Variants in IL20RA observed in about 807,000 individuals in gnomAD.
The protein encoded by IL20RA is interleukin 20 receptor subunit alpha, also known as interleukin-20 receptor subunit alpha.
Under a neutral mutation model 36.5 loss-of-function variants are expected in IL20RA, and 29 were observed. That is an observed-to-expected ratio of 0.79 (90% CI 0.59 to 1.08). The LOEUF (loss-of-function observed/expected upper bound fraction) is 1.08. Among genes scored for constraint, IL20RA ranks in the 50% least tolerant of loss-of-function variants. IL20RA has a pLI of 0.00. For missense variants in IL20RA, 652 were observed against 668.4 expected, an observed-to-expected ratio of 0.98 and a Z score of 0.27; for synonymous variants, 279 against 267.1, an observed-to-expected ratio of 1.04 and a Z score of -0.43.
At chr6:137,014,161 G>A (rs1455501092) in intron 2 of IL20RA, among the ~76,000 whole-genome samples, 1 of 152,136 alleles carries the variant, frequency 6.6e-6, no homozygotes, top group East Asian at 1.9e-4. Flanking sequence ...AGATAAATGA[G>A]GTCACTGTGA....
At chr6:137,021,514 A>AAC (rs386408740) in intron 1 of IL20RA, among the ~76,000 whole-genome samples, 1 of 55,048 alleles carries the variant, frequency 1.8e-5, no homozygotes, top group Non-Finnish European at 7.6e-5. Context: ...AAAAAAAAAA[A>AAC]ACACAAGAAA....
chr6:137,010,655 C>A (rs1254774942), intron 3 of IL20RA, among the ~76,000 whole-genome samples: 1 of 152,044 alleles, frequency 6.6e-6, no homozygotes, highest in Admixed American at 6.6e-5. Flanking sequence ...AAAGTAAATA[C>A]CAGGAAGAAG....
intron 1 of IL20RA, among the ~76,000 whole-genome samples, chr6:137,020,748 A>T (rs1210768587): frequency 6.6e-6 from 1 of 152,212 alleles, no homozygotes; most frequent in Non-Finnish European, 1.5e-5. Flanking sequence ...AGAGTAATAA[A>T]CATCTTTAAC....
At chr6:137,041,463 C>CA (rs2115431670) in intron 1 of IL20RA, among the ~76,000 whole-genome samples, 1 of 152,248 alleles carries the variant, frequency 6.6e-6, no homozygotes, top group African/African-American at 2.4e-5. Flanking sequence ...AACTTCTCTG[C>CA]AAGTCCCAAA....
At chr6:137,036,986 C>T (rs762004892) in intron 1 of IL20RA, among the ~76,000 whole-genome samples, 25 of 152,278 alleles carry the variant, frequency 1.6e-4, no homozygotes, top group Admixed American at 5.9e-4. Context: ...AATTTAAATA[C>T]GGTTGATAAT....
At chr6:137,020,933 AGGGGCAGACCT>A (rs1164732644) in intron 1 of IL20RA, among the ~76,000 whole-genome samples, 17 of 152,196 alleles carry the variant, frequency 1.1e-4, no homozygotes, top group Non-Finnish European at 1.9e-4. Context: ...ACTATTATTC[AGGGGCAGACCT>A]GTCATGAGAA....
chr6:137,036,452 G>A (rs1048855505), intron 1 of IL20RA, among the ~76,000 whole-genome samples: 1 of 152,186 alleles, frequency 6.6e-6, no homozygotes, highest in African/African-American at 2.4e-5. Flanking sequence ...AGGGTGGGCC[G>A]AAATGCAGTA....
At position 137,044,439 on chromosome 6, in the gene IL20RA, C is replaced by G. The variant is rs115776276; in HGVS notation, c.88+202G>C. 3.9e-3 allele frequency: 3,421 copies of G among 869,720 alleles called. 98 individuals are homozygous for G. In the African/African-American group the frequency reaches 0.055, roughly 14 times the overall value. The allele number at this position is 869,720 out of a possible 1,614,324, so 53.9% of individuals were successfully genotyped here. ...GCAAACTTGACCCCGAGCCAAGGTGCGCGAGGCGACGGCGAGTGTCCCCCG... is the reference window on the plus strand; with the variant it reads ...GCAAACTTGACCCCGAGCCAAGGTGGGCGAGGCGACGGCGAGTGTCCCCCG... On this transcript the variant is annotated intron_variant, in intron 1 of 6. Transcript: ENST00000316649.
intron 6 of IL20RA, 63 bp downstream of exon 6, chr6:137,004,558 C>T: frequency 6.9e-7 from 1 of 1,446,964 alleles, no homozygotes; most frequent in Non-Finnish European, 9.6e-7. Context: ...TCTAGAACCT[C>T]CTCTTCTGTC....
chr6:137,015,833 T>C (rs1275170105), intron 2 of IL20RA, among the ~76,000 whole-genome samples: 1 of 152,154 alleles, frequency 6.6e-6, no homozygotes, highest in African/African-American at 2.4e-5. Flanking sequence ...ATTTTTGTAT[T>C]TTTTGTAGAG....
chr6:137,015,252 C>T (rs1438663059), intron 2 of IL20RA, among the ~76,000 whole-genome samples: 1 of 152,134 alleles, frequency 6.6e-6, no homozygotes, highest in African/African-American at 2.4e-5. Flanking sequence ...TATCACTTAG[C>T]TCTAACAGGT....
rs1053327231 is a variant in IL20RA at position 137,000,260 on chromosome 6, T to C, written c.*1298A>G. ...TACCAATAATATCAATAAGGAAATA[T>C]GGGTGATATCTCTTCTCATGAAAGA... is the stretch of plus-strand genomic sequence containing the variant. On this transcript the variant is annotated 3_prime_UTR_variant, in exon 7 of 7. Coordinates refer to ENST00000316649, the MANE Select transcript of IL20RA (RefSeq NM_014432.4). 6 of 152,192 alleles carry C rather than the reference T, an allele frequency of 3.9e-5. No individual in the cohort carries two copies. Among genetic ancestry groups the C allele is most frequent in the East Asian group, 3.8e-4 (2 of 5,198 alleles). 9.4% of individuals were successfully genotyped at this position (152,192 alleles called of 1,614,324 possible). A position where few individuals can be genotyped will look rare whatever the true frequency, so the allele number is the denominator to read the frequency against.
intron 5 of IL20RA, among the ~76,000 whole-genome samples, chr6:137,007,097 T>C (rs866594345): frequency 3.9e-5 from 6 of 152,232 alleles, no homozygotes. Flanking sequence ...TGCATTTTGT[T>C]GCTTTTGCTC....
intron 1 of IL20RA, among the ~76,000 whole-genome samples, chr6:137,033,639 G>T (rs923995055): frequency 3.9e-5 from 6 of 152,226 alleles, no homozygotes; most frequent in African/African-American, 1.2e-4. Context: ...CTTCTGCCAT[G>T]ATTGTAAGTT....
intron 1 of IL20RA, among the ~76,000 whole-genome samples, chr6:137,043,615 A>G (rs1294741417): frequency 6.6e-6 from 1 of 152,220 alleles, no homozygotes; most frequent in Non-Finnish European, 1.5e-5. Context: ...TACTTTTCTT[A>G]TTGTTGTAAC....
At chr6:137,015,353 A>G (rs1775646530) in intron 2 of IL20RA, among the ~76,000 whole-genome samples, 1 of 152,208 alleles carries the variant, frequency 6.6e-6, no homozygotes, top group Admixed American at 6.5e-5. Flanking sequence ...CTGTTGTCTT[A>G]GAAACTCTTC....
intron 1 of IL20RA, among the ~76,000 whole-genome samples, chr6:137,028,926 A>G (rs1776183282): frequency 6.6e-6 from 1 of 152,200 alleles, no homozygotes; most frequent in Non-Finnish European, 1.5e-5. Flanking sequence ...TCCCAGCCTG[A>G]TCACCCAAAC....
Position 137,004,763 on chromosome 6 carries a change from G to C in IL20RA, c.725-3C>G. The C allele has an allele frequency of 7.0e-7, 1 of 1,435,000 alleles. No homozygotes were observed. The allele number at this position is 1,435,000 out of a possible 1,614,324, so 88.9% of individuals were successfully genotyped here. On this transcript the variant is annotated splice_polypyrimidine_tract_variant and splice_region_variant and intron_variant, in intron 5 of 6. Coordinates refer to ENST00000316649, the MANE Select transcript of IL20RA (RefSeq NM_014432.4). ...AGCCTTGAACTCTGATGATTGATCTGTAAAAAAAAAAAAAAAGGTGGGAAT... is the reference window on the plus strand; with the variant it reads ...AGCCTTGAACTCTGATGATTGATCTCTAAAAAAAAAAAAAAAGGTGGGAAT...
Position 137,011,890 on chromosome 6 carries a change from A to T in IL20RA, c.225-438T>A, listed in dbSNP as rs189282348. On this transcript the variant is annotated intron_variant, in intron 2 of 6. Transcript: ENST00000316649. ...AAAATTACTTTGACGTTCTCATAGC[A>T]TATAAAAATCTAAGTATCAATGATT... Among the ~76,000 whole-genome samples the T allele has an allele frequency of 4.5e-3, 691 of 152,316 alleles. 6 individuals carry two copies. Among genetic ancestry groups the T allele is most frequent in the African/African-American group, 0.016 (666 of 41,548 alleles).
Sources: gnomAD v4.1 joint callset for allele counts (sites outside exome capture counted in the v4.1 genomes callset) on GRCh38, gnomAD v4.1.1 for gene constraint, MANE v1.5 for transcripts, NCBI Gene and HGNC (gene_info 2026-07-23, HGNC 2026-07-21) for gene names.